MGAT4C: variants seen among roughly 807,000 people sequenced by gnomAD.
MGAT4C encodes MGAT4 family member C, also known as alpha-1,3-mannosyl-glycoprotein 4-beta-N-acetylglucosaminyltransferase C.
Under a neutral mutation model 40.1 loss-of-function variants are expected in MGAT4C, and 19 were observed. The ratio of observed to expected loss-of-function variants is 0.47; its 90% CI spans 0.33 to 0.70. The LOEUF (loss-of-function observed/expected upper bound fraction) is 0.70. MGAT4C is among the 30% of genes least tolerant of loss of function. The pLI is 0.02. For missense variants in MGAT4C, 491 were observed against 563.2 expected (o/e 0.87, Z 1.30); for synonymous variants, 181 against 187.1 (o/e 0.97, Z 0.27).
In MGAT4C at chr12:85,979,424, T is replaced by C; in HGVS notation, c.1302A>G (p.Glu434=). ...RQCSTYLRLG[E]FKNGNFEMSG... The stretch of plus-strand genomic sequence containing the variant: ...ACATTTCAAAGTTTCCATTTTTGAA[T>C]TCTCCTAGTCTTAAGTAAGTAGAAC... The change falls in exon 5 of 5, where the codon GAA becomes GAG. Residue 434 remains glutamate, a synonymous_variant. Transcript: ENST00000611864. 1 of 1,613,390 alleles carries C rather than the reference T, an allele frequency of 6.2e-7. No homozygotes were observed. Among genetic ancestry groups the C allele is most frequent in the East Asian group, 2.2e-5 (1 of 44,844 alleles).
chr12:86,566,820 C>T (rs1960148108), intron 2 of MGAT4C, among the ~76,000 whole-genome samples: 1 of 150,096 alleles, frequency 6.7e-6, no homozygotes, highest in African/African-American at 2.5e-5. Flanking sequence ...AACTAATACA[C>T]CTATCCTGCA....
At chr12:86,395,933 T>C (rs1956252640) in intron 3 of MGAT4C, among the ~76,000 whole-genome samples, 1 of 152,168 alleles carries the variant, frequency 6.6e-6, no homozygotes, top group South Asian at 2.1e-4. Context: ...AACCATAATT[T>C]TACATTTTCT....
At chr12:86,494,610 A>G (rs1339075695) in intron 2 of MGAT4C, among the ~76,000 whole-genome samples, 2 of 151,834 alleles carry the variant, frequency 1.3e-5, no homozygotes, top group Admixed American at 1.3e-4. Flanking sequence ...CCCACAAACC[A>G]TAGCAATCAT....
chr12:86,334,222 A>AC (rs1448385985), intron 3 of MGAT4C: 1 of 152,094 alleles, frequency 6.6e-6, no homozygotes, highest in Non-Finnish European at 1.5e-5. Context: ...AGGGGAAAAA[A>AC]ATTGCATTAA....
rs1192306050 is a variant in MGAT4C, at chr12:86,591,537, A to T, written c.-229+135672T>A. ...TTTACATACTAACTAAAAGGGATATAAAATGTAATAAATTACTAAGGTCCC... is the reference window on the plus strand; with the variant it reads ...TTTACATACTAACTAAAAGGGATATTAAATGTAATAAATTACTAAGGTCCC... On this transcript the variant is annotated intron_variant, in intron 2 of 7. Coordinates refer to the MGAT4C transcript ENST00000548651. 3.3e-5 allele frequency among the ~76,000 whole-genome samples: 5 copies of T among 152,088 alleles called. No homozygotes were observed. The East Asian group carries it at 9.7e-4, about 29-fold the overall frequency.
rs956615467 is a variant in MGAT4C, at chr12:86,388,628, AACTGCCTATC to A, written c.-120+46519_-120+46528del. ...ACTAAGAGATATTCCCACTGAAGCA[AACTGCCTATC>A]AATGACACTTGATCAATAAACACTT... On this transcript the variant is annotated intron_variant, in intron 3 of 7. Coordinates refer to the MGAT4C transcript ENST00000548651. Among the ~76,000 whole-genome samples the A allele has an allele frequency of 5.9e-5, 9 of 151,900 alleles. 1 individual carries two copies. Among genetic ancestry groups the A allele is most frequent in the Admixed American group, 5.3e-4 (8 of 15,232 alleles).
chr12:86,336,538 G>C (rs1954796247), intron 3 of MGAT4C, among the ~76,000 whole-genome samples: 1 of 152,156 alleles, frequency 6.6e-6, no homozygotes, highest in South Asian at 2.1e-4. Flanking sequence ...AAAGGACAGT[G>C]ATAATGCTGT....
chr12:86,792,993 C>G (rs1952052384), intron 1 of MGAT4C, among the ~76,000 whole-genome samples: 1 of 152,108 alleles, frequency 6.6e-6, no homozygotes, highest in African/African-American at 2.4e-5. Context: ...CCCAAGAAAT[C>G]TAATTAATAG....
chr12:86,250,995 T>C (rs1371151734), intron 1 of MGAT4C, among the ~76,000 whole-genome samples: 1 of 151,952 alleles, frequency 6.6e-6, no homozygotes, highest in Non-Finnish European at 1.5e-5. Context: ...TCAGTAACAA[T>C]GAAAACAATG....
intron 2 of MGAT4C, among the ~76,000 whole-genome samples, chr12:86,443,972 T>G (rs1957287310): frequency 1.3e-5 from 2 of 152,214 alleles, no homozygotes; most frequent in African/African-American, 4.8e-5. Context: ...TTACTCCCTC[T>G]GCGTTAATTC....
chr12:86,782,004 A>AT (rs1951849500), intron 1 of MGAT4C, among the ~76,000 whole-genome samples: 1 of 151,306 alleles, frequency 6.6e-6, no homozygotes, highest in Admixed American at 6.6e-5. Flanking sequence ...TTATTTATTT[A>AT]TTTTTTGAGA....
intron 1 of MGAT4C, among the ~76,000 whole-genome samples, chr12:86,091,740 A>G (rs772012640): frequency 6.6e-6 from 1 of 152,104 alleles, no homozygotes; most frequent in Admixed American, 6.6e-5. Flanking sequence ...ATACAAAGGT[A>G]TGTTTCTGTA....
At chr12:85,983,111 G>GAA (rs74276060) in intron 4 of MGAT4C, among the ~76,000 whole-genome samples, 10,763 of 152,248 alleles carry the variant, frequency 0.071, 531 homozygotes, top group Middle Eastern at 0.24. Context: ...CGTTATGGCA[G>GAA]ACCTAGGAAA....
intron 1 of MGAT4C, among the ~76,000 whole-genome samples, chr12:86,231,439 C>A (rs532816907): frequency 2.0e-5 from 3 of 152,096 alleles, no homozygotes; most frequent in Non-Finnish European, 4.4e-5. Flanking sequence ...TAACTACCCA[C>A]GTAACATAAA....
At chr12:86,114,764 T>A (rs1457643826) in intron 1 of MGAT4C, among the ~76,000 whole-genome samples, 1 of 151,992 alleles carries the variant, frequency 6.6e-6, no homozygotes, top group Non-Finnish European at 1.5e-5. Context: ...TCTAAAGGTC[T>A]ACTATCTCAT....
At chr12:86,216,848 TA>T (rs2135975677) in intron 1 of MGAT4C, among the ~76,000 whole-genome samples, 1 of 152,358 alleles carries the variant, frequency 6.6e-6, no homozygotes, top group East Asian at 1.9e-4. Context: ...TATCTTGGTT[TA>T]CTGGTGAAAT....
chr12:86,166,034 T>C (rs1481321849), intron 1 of MGAT4C, among the ~76,000 whole-genome samples: 1 of 152,194 alleles, frequency 6.6e-6, no homozygotes, highest in Non-Finnish European at 1.5e-5. Flanking sequence ...GTGTACTATG[T>C]ATGCAAGAAA....
rs575692071 is a variant in MGAT4C at position 86,146,802 on chromosome 12, T to C, written c.-56-97079A>G. On this transcript the variant is annotated intron_variant, in intron 1 of 4. Transcript: ENST00000611864. The stretch of plus-strand genomic sequence containing the variant: ...CAATTGGACAACAATCGACCTTATT[T>C]GGTACTTGCTTTATACATTCTAATT... Among the ~76,000 whole-genome samples the C allele has an allele frequency of 4.7e-4, 71 of 150,822 alleles. No homozygotes were observed. In the South Asian group the frequency reaches 0.014, roughly 31 times the overall value.
chr12:86,147,197 A>C (rs1357068560), intron 1 of MGAT4C, among the ~76,000 whole-genome samples: 1 of 152,216 alleles, frequency 6.6e-6, no homozygotes, highest in Non-Finnish European at 1.5e-5. Flanking sequence ...TTCTAAGACT[A>C]GATGAGGTGA....
Sources: allele counts gnomAD v4.1 joint callset (sites outside exome capture counted in the v4.1 genomes callset), GRCh38; gene constraint gnomAD v4.1.1; transcripts MANE v1.5; gene names NCBI Gene and HGNC (gene_info 2026-07-23, HGNC 2026-07-21).